Variants in ANK1 observed in about 807,000 individuals in gnomAD.
ANK1 encodes the protein ankyrin-1.
In ANK1, 51 loss-of-function variants were observed where a neutral mutation model predicts 210.4. The ratio of observed to expected loss-of-function variants is 0.24; its 90% CI spans 0.19 to 0.31. ANK1 has a LOEUF of 0.31. Ranked by LOEUF, ANK1 falls within the 10% of genes least tolerant of loss-of-function variation. ANK1 has a pLI of 1.00. For missense variants in ANK1, 2,051 were observed against 2,504.4 expected, an observed-to-expected ratio of 0.82 and a Z score of 3.86; for synonymous variants, 967 against 1,025.9, an observed-to-expected ratio of 0.94 and a Z score of 1.10.
chr8:41,718,482 C>T (rs1366695535), intron 10 of ANK1, among the ~76,000 whole-genome samples: 2 of 152,096 alleles, frequency 1.3e-5, no homozygotes. Flanking sequence ...ATTTTGGATG[C>T]ACTAAAAGAT....
chr8:41,823,400 AT>A (rs1444953944), intron 1 of ANK1, among the ~76,000 whole-genome samples: 7 of 152,188 alleles, frequency 4.6e-5, no homozygotes, highest in Non-Finnish European at 1.0e-4. Context: ...TATATTAGAG[AT>A]ACTTTTCAAT....
rs368572433 is a variant in ANK1, at chr8:41,686,158, C to T, written c.4384G>A (p.Ala1462Thr). Residue 1462 changes from alanine to threonine, a missense_variant, in exon 36 of 43, where the codon GCA becomes ACA. Around this residue, in one of 6 missense-constraint regions of ANK1, gnomAD observed 39 missense variants for 75.1 expected, o/e 0.52. Coordinates refer to ENST00000289734, the MANE Select transcript of ANK1 (RefSeq NM_000037.4). ...TCAGTGGGACGGTACTGACTGTTTG[C>T]GTTTTGGCCTTCACGGATGACCCAG... ...NLWVIREGQN[A>T]NMENLYTALQ... is the part of the protein sequence containing the mutation. The T allele has an allele frequency of 1.1e-4, 170 of 1,614,088 alleles. 1 individual carries two copies. Among genetic ancestry groups the T allele is most frequent in the South Asian group, 6.6e-4 (60 of 91,092 alleles).
chr8:41,747,576 A>G (rs2150695405), intron 2 of ANK1, among the ~76,000 whole-genome samples: 1 of 152,288 alleles, frequency 6.6e-6, no homozygotes, highest in South Asian at 2.1e-4. Context: ...AGGTCCTAGC[A>G]TGGAGCCTGG....
Position 41,666,257 on chromosome 8 carries a change from G to A in ANK1, c.5394+2010C>T, listed in dbSNP as rs76627364. Among the ~76,000 whole-genome samples, 734 of 152,292 alleles carry A rather than the reference G, an allele frequency of 4.8e-3. 9 individuals carry two copies. Among genetic ancestry groups the A allele is most frequent in the East Asian group, 0.035 (179 of 5,188 alleles). ...TGGCAAACGCTTGTGATAGTGCATG[G>A]TTCTATGTGGATTTCGCATTAATTC... On this transcript the variant is annotated intron_variant, in intron 39 of 42. Transcript: ENST00000289734.
At chr8:41,706,350 G>C in intron 17 of ANK1, 109 bp from the exon 18 acceptor site, 1 of 967,248 alleles carries the variant, frequency 1.0e-6, no homozygotes, top group Non-Finnish European at 1.6e-6. Flanking sequence ...TCACCAACTA[G>C]TTATTTGGCT....
intron 6 of ANK1, among the ~76,000 whole-genome samples, chr8:41,725,030 T>TA (rs944463868): frequency 3.3e-5 from 5 of 151,936 alleles, no homozygotes; most frequent in East Asian, 3.9e-4. Flanking sequence ...CAGCTAATTT[T>TA]AAAAAAAATG....
chr8:41,813,648 A>G (rs1000779614), intron 1 of ANK1, among the ~76,000 whole-genome samples: 11 of 152,218 alleles, frequency 7.2e-5, no homozygotes, highest in Admixed American at 4.6e-4. Flanking sequence ...CTGTTTTGCT[A>G]GAACTTTTAA....
intron 1 of ANK1, among the ~76,000 whole-genome samples, chr8:41,789,503 C>A (rs184396189): frequency 6.6e-6 from 1 of 152,204 alleles, no homozygotes; most frequent in African/African-American, 2.4e-5. Flanking sequence ...ACTCTGGCTG[C>A]GGTGCCCACA....
At chr8:41,659,486 G>A (rs951155600) in intron 42 of ANK1, among the ~76,000 whole-genome samples, 11 of 152,174 alleles carry the variant, frequency 7.2e-5, no homozygotes, top group African/African-American at 1.9e-4. Context: ...GGACGAATTC[G>A]CAAATGCAGA....
chr8:41,867,621 T>C (rs1175096215), intron 1 of ANK1, among the ~76,000 whole-genome samples: 1 of 151,958 alleles, frequency 6.6e-6, no homozygotes, highest in East Asian at 1.9e-4. Flanking sequence ...GCAGCACCCA[T>C]GCCACACACA....
At chr8:41,684,061 G>A (rs1018476276) in intron 37 of ANK1, among the ~76,000 whole-genome samples, 6 of 152,236 alleles carry the variant, frequency 3.9e-5, no homozygotes, top group Non-Finnish European at 5.9e-5. Context: ...GTAAAACACC[G>A]TCCAGTTAAA....
At chr8:41,885,334 T>C (rs1338180293) in intron 1 of ANK1, among the ~76,000 whole-genome samples, 1 of 152,236 alleles carries the variant, frequency 6.6e-6, no homozygotes, top group African/African-American at 2.4e-5. Flanking sequence ...GTAGTCCAGG[T>C]GTCCTTCAAA....
chr8:41,689,744 C>G (rs1212809809), intron 33 of ANK1, among the ~76,000 whole-genome samples: 1 of 152,158 alleles, frequency 6.6e-6, no homozygotes, highest in Non-Finnish European at 1.5e-5. Context: ...TGGCTGAGGA[C>G]ACCAGGCTTC....
At chr8:41,717,516 C>T (rs1828026081) in intron 12 of ANK1, 88 bp downstream of exon 12, 1 of 1,243,894 alleles carries the variant, frequency 8.0e-7, no homozygotes, top group African/African-American at 1.5e-5. Context: ...AGCTCTGTCC[C>T]CAGAGAGTAG....
At chr8:41,718,686 G>A (rs1828405800) in intron 10 of ANK1, among the ~76,000 whole-genome samples, 1 of 152,074 alleles carries the variant, frequency 6.6e-6, no homozygotes, top group Non-Finnish European at 1.5e-5. Context: ...TTTTTCAGTG[G>A]TTTATCCACT....
At chr8:41,834,391 G>C (rs1365131439) in intron 1 of ANK1, among the ~76,000 whole-genome samples, 3 of 152,270 alleles carry the variant, frequency 2.0e-5, no homozygotes, top group African/African-American at 7.2e-5. Flanking sequence ...GCTAGGAGCA[G>C]GCAAATGACG....
rs751808188 is a variant in ANK1 at position 41,696,784 on chromosome 8, A to G, written c.2638-11T>C. The G allele has an allele frequency of 3.1e-6, 5 of 1,596,574 alleles. No individual in the cohort carries two copies. The South Asian group carries it at 4.4e-5, about 14-fold the overall frequency. On this transcript the variant is annotated splice_polypyrimidine_tract_variant and intron_variant, in intron 24 of 42. Transcript: ENST00000289734. ...ATACTCTTTAGATGCCTGAGGAGAGAGAAAGGGTCCTCCTGTCCCACCTCC... is the reference window on the plus strand; with the variant it reads ...ATACTCTTTAGATGCCTGAGGAGAGGGAAAGGGTCCTCCTGTCCCACCTCC...
chr8:41,794,217 G>A (rs768851147), intron 1 of ANK1, among the ~76,000 whole-genome samples: 3 of 152,126 alleles, frequency 2.0e-5, no homozygotes, highest in Non-Finnish European at 2.9e-5. Flanking sequence ...AATGTACAAA[G>A]CCCTGCATCT....
intron 1 of ANK1, among the ~76,000 whole-genome samples, chr8:41,839,410 C>T (rs987950374): frequency 1.3e-5 from 2 of 152,244 alleles, no homozygotes; most frequent in Non-Finnish European, 1.5e-5. Context: ...CTCATTACAC[C>T]TGCCTAAGCT....
Sources: gnomAD v4.1 joint callset for allele counts (sites outside exome capture counted in the v4.1 genomes callset) on GRCh38, gnomAD v4.1.1 for gene constraint, gnomAD v4.1.1 regional missense constraint, MANE v1.5 for transcripts, NCBI Gene and HGNC (gene_info 2026-07-23, HGNC 2026-07-21) for gene names.